The following FBXL7 variants were observed in gnomAD, a reference collection of about 807,000 sequenced individuals.
The protein encoded by FBXL7 is F-box/LRR-repeat protein 7.
FBXL7 carries 12 observed loss-of-function variants against 38.3 expected under a neutral mutation model. That is an observed-to-expected ratio of 0.31 (90% confidence interval 0.20 to 0.51). The LOEUF (loss-of-function observed/expected upper bound fraction) is 0.51, where lower values mean the gene tolerates loss of function less well. FBXL7 is among the 20% of genes least tolerant of loss of function. FBXL7 has a pLI of 0.98. For synonymous variants in FBXL7, 297 were observed against 300.9 expected, an observed-to-expected ratio of 0.99 and a Z score of 0.13; for missense variants, 567 against 676.4, an observed-to-expected ratio of 0.84 and a Z score of 1.79.
chr5:15,612,121 AC>A (rs920756393), intron 1 of FBXL7, among the ~76,000 whole-genome samples: 1 of 152,014 alleles, frequency 6.6e-6, no homozygotes, highest in African/African-American at 2.4e-5. Context: ...GACACAATCC[AC>A]CCCCCCAAGA....
intron 2 of FBXL7, among the ~76,000 whole-genome samples, chr5:15,727,653 T>C (rs1349178169): frequency 6.6e-6 from 1 of 152,176 alleles, no homozygotes; most frequent in Non-Finnish European, 1.5e-5. Flanking sequence ...TTTTTCTCTT[T>C]GTCTTTGTCT....
chr5:15,835,395 G>A (rs1379533558), intron 2 of FBXL7, among the ~76,000 whole-genome samples: 1 of 152,120 alleles, frequency 6.6e-6, no homozygotes, highest in East Asian at 1.9e-4. Context: ...ATTATAATAT[G>A]AAATTATACA....
At chr5:15,650,650 T>C (rs189639606) in intron 2 of FBXL7, among the ~76,000 whole-genome samples, 1 of 152,358 alleles carries the variant, frequency 6.6e-6, no homozygotes, top group African/African-American at 2.4e-5. Context: ...CTGCCATGCT[T>C]TATCAACTAA....
chr5:15,587,249 G>C (rs1739334071), intron 1 of FBXL7, among the ~76,000 whole-genome samples: 1 of 152,150 alleles, frequency 6.6e-6, no homozygotes, highest in South Asian at 2.1e-4. Flanking sequence ...CTGATGCTAA[G>C]ATCAGGGCCT....
At chr5:15,927,669 G>A (rs1432189967) in intron 2 of FBXL7, among the ~76,000 whole-genome samples, 2 of 150,550 alleles carry the variant, frequency 1.3e-5, no homozygotes, top group Admixed American at 1.3e-4. Context: ...CAGCTACTCG[G>A]GAGGCTGAGT....
chr5:15,697,672 C>A (rs766559859), intron 2 of FBXL7, among the ~76,000 whole-genome samples: 20 of 152,184 alleles, frequency 1.3e-4, no homozygotes, highest in Admixed American at 4.6e-4. Context: ...TCTGCACACA[C>A]AAGGCTTCAT....
At position 15,936,888 on chromosome 5, in the gene FBXL7, G is replaced by C; in HGVS notation, c.1178G>C (p.Gly393Ala). ...GGCTGCGAGGGCATCACGGACCACGGTGTGGAGTACCTCGCCAAGAACTGC... is the reference window on the plus strand; with the variant it reads ...GGCTGCGAGGGCATCACGGACCACGCTGTGGAGTACCTCGCCAAGAACTGC... Reference protein sequence around the residue: ...ARGCEGITDHGVEYLAKNCTK... With the variant: ...ARGCEGITDHAVEYLAKNCTK... Residue 393 changes from glycine to alanine, a missense_variant, in exon 4 of 4, where the codon GGT (glycine) becomes GCT (alanine). Transcript: ENST00000504595. This position sits in a 1 kb window ranked among gnomAD's most constrained non-coding sequence, Gnocchi z 6.0. 6.2e-7 allele frequency: 1 copy of C among 1,614,036 alleles called. No individual in the cohort carries two copies. Among genetic ancestry groups the C allele is most frequent in the Non-Finnish European group, 8.5e-7 (1 of 1,179,886 alleles).
Position 15,685,183 on chromosome 5 carries a change from A to C in FBXL7, c.127+69111A>C, listed in dbSNP as rs1742978974. 2.0e-5 allele frequency among the ~76,000 whole-genome samples: 3 copies of C among 152,212 alleles called. No homozygotes were observed. The South Asian group carries it at 6.2e-4, about 31-fold the overall frequency. On this transcript the variant is annotated intron_variant, in intron 2 of 3. Coordinates refer to ENST00000504595, the MANE Select transcript of FBXL7 (RefSeq NM_012304.5). The stretch of plus-strand genomic sequence containing the variant: ...CAGGAACAAACAGTGAAACTCATGA[A>C]TGTAGTTGGGGCAATAATTTTTCCA...
At chr5:15,569,801 C>G (rs540735309) in intron 1 of FBXL7, among the ~76,000 whole-genome samples, 187 of 152,158 alleles carry the variant, frequency 1.2e-3, no homozygotes, top group African/African-American at 2.8e-3. Context: ...TAGCATGAAG[C>G]GTTGTTGAAT....
chr5:15,838,336 T>C (rs1738646432), intron 2 of FBXL7, among the ~76,000 whole-genome samples: 2 of 152,166 alleles, frequency 1.3e-5, no homozygotes, highest in Admixed American at 1.3e-4. Context: ...TCCTCATAGA[T>C]GGCCATCATC....
At chr5:15,923,639 A>T (rs2126450324) in intron 2 of FBXL7, among the ~76,000 whole-genome samples, 1 of 152,282 alleles carries the variant, frequency 6.6e-6, no homozygotes, top group South Asian at 2.1e-4. Context: ...CATGCTTTAT[A>T]ATCTTTTTAA....
At chr5:15,794,464 C>G (rs1737361988) in intron 2 of FBXL7, among the ~76,000 whole-genome samples, 4 of 105,456 alleles carry the variant, frequency 3.8e-5, no homozygotes, top group African/African-American at 8.5e-5. Context: ...TTCTAAGTAC[C>G]CCTAAGTTCA....
Position 15,842,195 on chromosome 5 carries a change from G to T in FBXL7, c.128-85695G>T, listed in dbSNP as rs551775771. On this transcript the variant is annotated intron_variant, in intron 2 of 3. Transcript: ENST00000504595. ...AACCACAGGGACCAATCTGCCCAAGGTTGTGGCAGCCCACCTCTTGCATCA... is the reference window on the plus strand; with the variant it reads ...AACCACAGGGACCAATCTGCCCAAGTTTGTGGCAGCCCACCTCTTGCATCA... Among the ~76,000 whole-genome samples, 65 of 152,292 alleles carry T rather than the reference G, an allele frequency of 4.3e-4. No individual in the cohort carries two copies. The Middle Eastern group carries it at 0.01, about 24-fold the overall frequency.
chr5:15,784,569 G>T (rs1029129087), intron 2 of FBXL7, among the ~76,000 whole-genome samples: 1 of 152,038 alleles, frequency 6.6e-6, no homozygotes, highest in Non-Finnish European at 1.5e-5. Flanking sequence ...GAGGTGGGTC[G>T]GGGGGCGGGG....
intron 2 of FBXL7, among the ~76,000 whole-genome samples, chr5:15,786,797 C>T (rs558567479): frequency 2.0e-5 from 3 of 152,268 alleles, no homozygotes; most frequent in East Asian, 1.9e-4. Flanking sequence ...GAGTGAACGA[C>T]GCCTCTTCCT....
chr5:15,831,751 T>C (rs1738461355), intron 2 of FBXL7, among the ~76,000 whole-genome samples: 1 of 151,934 alleles, frequency 6.6e-6, no homozygotes, highest in Non-Finnish European at 1.5e-5. Context: ...TCTGGAGGGA[T>C]AGTGGAGGGG....
In FBXL7 at chr5:15,508,924, T is replaced by A. The variant is rs536469167; in HGVS notation, c.37+8211T>A. On this transcript the variant is annotated intron_variant, in intron 1 of 3. Transcript: ENST00000504595. The stretch of plus-strand genomic sequence containing the variant: ...ATTGGATGTGATAAATGATTTCCTA[T>A]TTTCAGTGCAGTAATGGATACCAAG... 1.2e-3 allele frequency among the ~76,000 whole-genome samples: 183 copies of A among 152,346 alleles called. 1 individual carries two copies. The highest frequency in any genetic ancestry group is 5.4e-3 in the South Asian group (26 of 4,820).
chr5:15,803,528 TC>T lies in FBXL7; in HGVS notation c.128-124356del, dbSNP rs567327977. On this transcript the variant is annotated intron_variant, in intron 2 of 3. Coordinates refer to ENST00000504595, the MANE Select transcript of FBXL7 (RefSeq NM_012304.5). ...TTTGTTACTCATATTTTCCCCTTTC[TC>T]CCCCCATCCTTCCTCTCATCTCCCT... Among the ~76,000 whole-genome samples the T allele has an allele frequency of 2.9e-3, 431 of 150,788 alleles. 2 individuals carry two copies. The highest frequency in any genetic ancestry group is 9.7e-3 in the African/African-American group (401 of 41,168).
At chr5:15,921,296 A>G (rs754241013) in intron 2 of FBXL7, among the ~76,000 whole-genome samples, 6 of 150,346 alleles carry the variant, frequency 4.0e-5, no homozygotes, top group Non-Finnish European at 7.4e-5. Context: ...CAGGAGAATC[A>G]CTTCAGCTGG....
Sources: gnomAD v4.1 joint callset for allele counts (sites outside exome capture counted in the v4.1 genomes callset) on GRCh38, gnomAD v4.1.1 for gene constraint, Gnocchi (gnomAD v3.1) non-coding constraint, MANE v1.5 for transcripts, NCBI Gene and HGNC (gene_info 2026-07-23, HGNC 2026-07-21) for gene names.